Variants in DCAF17 observed in about 807,000 individuals in gnomAD.
The protein encoded by DCAF17 is DDB1 and CUL4 associated factor 17, also known as DDB1- and CUL4-associated factor 17.
A neutral mutation model predicts 66.0 loss-of-function variants in DCAF17; 48 were observed. That is an observed-to-expected ratio of 0.73 (90% CI 0.58 to 0.92). DCAF17 has a LOEUF of 0.92. DCAF17 is among the 40% of genes least tolerant of loss of function. The pLI is 0.00. For synonymous variants in DCAF17, 206 were observed against 214.6 expected (o/e 0.96, Z 0.35); for missense variants, 562 against 622.8 (o/e 0.90, Z 1.04).
intron 10 of DCAF17, among the ~76,000 whole-genome samples, chr2:171,475,267 T>C (rs980913371): frequency 1.3e-5 from 2 of 152,214 alleles, no homozygotes; most frequent in Admixed American, 6.5e-5. Flanking sequence ...TTGCCCATCA[T>C]ATTTTCATTG....
chr2:171,470,508 G>A (rs1005578781), intron 9 of DCAF17, among the ~76,000 whole-genome samples: 2 of 152,152 alleles, frequency 1.3e-5, no homozygotes, highest in Non-Finnish European at 2.9e-5. Context: ...TTCTTTTGTA[G>A]GAGCATTGTT....
rs1329715218 is a variant in DCAF17, at chr2:171,481,154, A to G, written c.*40A>G. ...TTGTAACCTAAGAGACTTTTAGCCA[A>G]ACACCCCAGCAGCTGCGTCCAATCC... On this transcript the variant is annotated 3_prime_UTR_variant, in exon 14 of 14. Coordinates refer to ENST00000375255, the MANE Select transcript of DCAF17 (RefSeq NM_025000.4). 2.5e-6 allele frequency: 4 copies of G among 1,612,382 alleles called. No individual in the cohort carries two copies. The highest frequency in any genetic ancestry group is 3.3e-5 in the Admixed American group (2 of 59,964).
intron 7 of DCAF17, 58 bp downstream of exon 7, chr2:171,458,133 G>A: frequency 1.4e-6 from 2 of 1,442,502 alleles, no homozygotes; most frequent in Non-Finnish European, 1.9e-6. Context: ...ACTAAAGTAT[G>A]ATTTTTTTTT....
chr2:171,472,596 C>A (rs560180113), intron 9 of DCAF17, among the ~76,000 whole-genome samples: 2 of 152,258 alleles, frequency 1.3e-5, no homozygotes, highest in South Asian at 4.2e-4. Flanking sequence ...ACTTGGATAT[C>A]TGGTGCATGG....
At chr2:171,436,455 G>T (rs1156872112) in intron 2 of DCAF17, among the ~76,000 whole-genome samples, 1 of 152,134 alleles carries the variant, frequency 6.6e-6, no homozygotes, top group Non-Finnish European at 1.5e-5. Context: ...AGTATATGAG[G>T]GTTCTGATTT....
chr2:171,462,834 T>C (rs1342146373), intron 8 of DCAF17, among the ~76,000 whole-genome samples: 5 of 152,168 alleles, frequency 3.3e-5, no homozygotes, highest in African/African-American at 1.2e-4. Context: ...TATATCATCG[T>C]ATACAAAAGA....
At chr2:171,470,655 G>A (rs1696193135) in intron 9 of DCAF17, among the ~76,000 whole-genome samples, 1 of 152,154 alleles carries the variant, frequency 6.6e-6, no homozygotes, top group Admixed American at 6.5e-5. Flanking sequence ...ACCTCCCAGT[G>A]AGTGGACATC....
Position 171,458,427 on chromosome 2 carries a change from G to C in DCAF17, c.788G>C (p.Gly263Ala). The C allele has an allele frequency of 1.9e-6, 3 of 1,613,946 alleles. No individual in the cohort carries two copies. Among genetic ancestry groups the C allele is most frequent in the Middle Eastern group, 3.3e-4 (2 of 6,060 alleles). The change falls in exon 8 of 14, where the codon GGA (glycine) becomes GCA (alanine). Residue 263 changes from glycine (G) to alanine (A), a missense_variant. Gly to Ala is a moderately conservative substitution (Grantham distance 60, BLOSUM62 0). Around this residue, in one of 3 missense-constraint regions of DCAF17, gnomAD observed 348 missense variants for 355.9 expected, o/e 0.98. Transcript: ENST00000375255. The stretch of plus-strand genomic sequence containing the variant: ...GCATGCAGATGGGGTGGGACTACTG[G>C]AACTGTAGGAGAGGCTCCTTTTGGC... ...GCACRWGGTT[G>A]TVGEAPFGIP...
intron 7 of DCAF17, 53 bp from the exon 8 acceptor site, chr2:171,458,319 A>T: frequency 6.9e-7 from 1 of 1,441,666 alleles, no homozygotes; most frequent in South Asian, 1.1e-5. Flanking sequence ...TTCTCTCCAG[A>T]TATCAAATAA....
chr2:171,453,799 T>C (rs946836414), intron 6 of DCAF17, among the ~76,000 whole-genome samples: 2 of 152,190 alleles, frequency 1.3e-5, no homozygotes, highest in Admixed American at 6.5e-5. Context: ...TGCATAGTTA[T>C]TTATTGAGCT....
intron 3 of DCAF17, chr2:171,447,448 C>A: frequency 3.8e-6 from 1 of 260,122 alleles, no homozygotes. Context: ...GCAACCTCCA[C>A]CTCCCGGGTT....
At chr2:171,440,058 C>G (rs1379311938) in intron 2 of DCAF17, among the ~76,000 whole-genome samples, 2 of 152,208 alleles carry the variant, frequency 1.3e-5, no homozygotes, top group Non-Finnish European at 2.9e-5. Context: ...AACTCCTGCA[C>G]TCCAGTGATC....
At chr2:171,449,992 T>C in intron 5 of DCAF17, 35 bp downstream of exon 5, 3 of 1,508,036 alleles carry the variant, frequency 2.0e-6, no homozygotes, top group Non-Finnish European at 2.8e-6. Flanking sequence ...AAATGAAGAC[T>C]CTTTTTCATA....
chr2:171,438,928 C>T (rs1340015828), intron 2 of DCAF17, among the ~76,000 whole-genome samples: 1 of 151,782 alleles, frequency 6.6e-6, no homozygotes, highest in Non-Finnish European at 1.5e-5. Flanking sequence ...GGGTCTCAGT[C>T]GTGCTGTGTT....
intron 8 of DCAF17, among the ~76,000 whole-genome samples, chr2:171,468,551 A>G (rs940020603): frequency 1.3e-5 from 2 of 152,244 alleles, no homozygotes; most frequent in African/African-American, 4.8e-5. Flanking sequence ...TAGATGTTCA[A>G]TAAATGTCCG....
intron 12 of DCAF17, chr2:171,479,687 C>G: frequency 3.2e-6 from 1 of 311,336 alleles, no homozygotes; most frequent in Non-Finnish European, 6.1e-6. Flanking sequence ...TAGTCCTGTC[C>G]AGGAATCAGC....
At chr2:171,472,439 A>G (rs1384460667) in intron 9 of DCAF17, among the ~76,000 whole-genome samples, 1 of 152,198 alleles carries the variant, frequency 6.6e-6, no homozygotes, top group Non-Finnish European at 1.5e-5. Context: ...TCGGCCTCCC[A>G]AAGTGCTAGG....
At position 171,473,996 on chromosome 2, in the gene DCAF17, T is replaced by C. The variant is rs1696383554; in HGVS notation, c.1091+21T>C. On this transcript the variant is annotated intron_variant, in intron 10 of 13. Coordinates refer to ENST00000375255, the MANE Select transcript of DCAF17 (RefSeq NM_025000.4). ...GTCAAGTGAGTAATCTCATTAGCAC[T>C]TGAAAGTTAAGAGCAGCTTTTGGTA... 2.5e-6 allele frequency: 4 copies of C among 1,595,602 alleles called. No homozygotes were observed. The East Asian group carries it at 9.0e-5, about 36-fold the overall frequency.
intron 2 of DCAF17, among the ~76,000 whole-genome samples, chr2:171,435,828 A>G (rs1693883563): frequency 6.6e-6 from 1 of 152,202 alleles, no homozygotes. Context: ...TATAGGCTTT[A>G]TTAGGATATA....
Sources: gnomAD v4.1 joint callset for allele counts (sites outside exome capture counted in the v4.1 genomes callset) on GRCh38, gnomAD v4.1.1 for gene constraint, gnomAD v4.1.1 regional missense constraint, MANE v1.5 for transcripts, NCBI Gene and HGNC (gene_info 2026-07-23, HGNC 2026-07-21) for gene names.